Variants in ZNF609 observed in about 807,000 individuals in gnomAD.
The protein encoded by ZNF609 is zinc finger protein 609.
ZNF609 carries 11 observed loss-of-function variants against 109.5 expected under a neutral mutation model. The ratio of observed to expected loss-of-function variants is 0.10; its 90% confidence interval spans 0.06 to 0.17. ZNF609 has a LOEUF of 0.17. ZNF609 is among the 10% of genes least tolerant of loss of function. ZNF609 has a pLI of 1.00. For missense variants in ZNF609, 1,559 were observed against 1,772.4 expected (o/e 0.88, Z 2.16); for synonymous variants, 646 against 662.0 (o/e 0.98, Z 0.37).
Position 64,675,200 on chromosome 15 carries a change from A to G in ZNF609, c.2346A>G (p.Gln782=). Residue 782 remains glutamine (Q), a synonymous_variant, in exon 5 of 10, where the codon CAA becomes CAG. Transcript: ENST00000326648. ...GLLNGSSDPH[Q]SRLASIKAEA... is the part of the protein sequence containing the mutation. Reference sequence around the variant, plus strand: ...TAAATGGCTCATCAGACCCCCACCAAAGCCGACTGGCTAGCATCAAGGCTG... The same window carrying G: ...TAAATGGCTCATCAGACCCCCACCAGAGCCGACTGGCTAGCATCAAGGCTG... 6.2e-7 allele frequency: 1 copy of G among 1,614,086 alleles called. No homozygotes were observed. The highest frequency in any genetic ancestry group is 8.5e-7 in the Non-Finnish European group (1 of 1,180,032).
At chr15:64,635,751 GT>G (rs1433528001) in intron 3 of ZNF609, among the ~76,000 whole-genome samples, 1 of 152,220 alleles carries the variant, frequency 6.6e-6, no homozygotes, top group Non-Finnish European at 1.5e-5. Flanking sequence ...CACAGCAGTA[GT>G]TTCAGACTAG....
rs1895635856 is a variant in ZNF609 at position 64,607,869 on chromosome 15, TTCTTTC to T, written c.748-14956_748-14951del. Among the ~76,000 whole-genome samples, 5 of 29,266 alleles carry T rather than the reference TTCTTTC, an allele frequency of 1.7e-4. No homozygotes were observed. In the South Asian group the frequency reaches 3.0e-3, roughly 17 times the overall value. 19.2% of individuals were successfully genotyped at this position (29,266 alleles called of 152,430 possible). ...TTTCTTTCTTTCTTTCTTTCTTTCT[TTCTTTC>T]TTTCTTCTTTCTTTTCTTTCTTTTT... On this transcript the variant is annotated intron_variant, in intron 2 of 9. Coordinates refer to ENST00000326648, the MANE Select transcript of ZNF609 (RefSeq NM_015042.2).
intron 6 of ZNF609, among the ~76,000 whole-genome samples, chr15:64,679,180 C>T (rs1413829814): frequency 6.6e-6 from 1 of 152,212 alleles, no homozygotes; most frequent in Admixed American, 6.5e-5. Flanking sequence ...TCAAACGATT[C>T]TCCTGCCTCA....
chr15:64,609,693 T>TA lies in ZNF609; in HGVS notation c.748-13133dup, dbSNP rs542853727. ...CTTTAAGGTTCTCATTTTTTTTTTT[T>TA]ATGGGACTAGGTATAAGAGGGGGAA... On this transcript the variant is annotated intron_variant, in intron 2 of 9. Transcript: ENST00000326648. Among the ~76,000 whole-genome samples the TA allele has an allele frequency of 3.3e-5, 5 of 151,556 alleles. No homozygotes were observed. In the South Asian group the frequency reaches 1.0e-3, roughly 32 times the overall value.
At chr15:64,507,023 A>G (rs959326456) in intron 2 of ZNF609, among the ~76,000 whole-genome samples, 7 of 152,092 alleles carry the variant, frequency 4.6e-5, no homozygotes, top group African/African-American at 1.7e-4. Flanking sequence ...AGCCCCTGAT[A>G]ATTATAGTTG....
chr15:64,598,404 C>G (rs1895434319), intron 2 of ZNF609, among the ~76,000 whole-genome samples: 1 of 152,126 alleles, frequency 6.6e-6, no homozygotes, highest in Non-Finnish European at 1.5e-5. Context: ...GCATGAGACA[C>G]CACATCCAGC....
intron 2 of ZNF609, among the ~76,000 whole-genome samples, chr15:64,533,376 A>C (rs1894090713): frequency 6.6e-6 from 1 of 152,148 alleles, no homozygotes; most frequent in Non-Finnish European, 1.5e-5. Context: ...TATAGTTTTC[A>C]ATCAGTGTTA....
rs371044030 is a variant in ZNF609 at position 64,600,467 on chromosome 15, G to A, written c.748-22360G>A. On this transcript the variant is annotated intron_variant, in intron 2 of 9. Transcript: ENST00000326648. ...TGTGTCTCAAAAAAAAAAAAAAAAA[G>A]AAAAAAAAAAACAGAAAAATTAGCC... Among the ~76,000 whole-genome samples, 958 of 121,918 alleles carry A rather than the reference G, an allele frequency of 7.9e-3. 6 individuals carry two copies. Among genetic ancestry groups the A allele is most frequent in the South Asian group, 0.024 (94 of 3,918 alleles). The allele number at this position is 121,918 out of a possible 152,430, so 80.0% of individuals were successfully genotyped here.
chr15:64,575,419 C>CA lies in ZNF609; in HGVS notation c.748-47396dup, dbSNP rs5813309. 4.1e-5 allele frequency among the ~76,000 whole-genome samples: 6 copies of CA among 147,216 alleles called. No homozygotes were observed. In the South Asian group the frequency reaches 6.5e-4, roughly 16 times the overall value. On this transcript the variant is annotated intron_variant, in intron 2 of 9. Coordinates refer to ENST00000326648, the MANE Select transcript of ZNF609 (RefSeq NM_015042.2). ...AGCCTGGGCAACAAGAACTCCATTT[C>CA]AAAAAAAAAAAAGGAAGAAGAGGGG...
chr15:64,569,000 C>T (rs571198513), intron 2 of ZNF609, among the ~76,000 whole-genome samples: 2 of 152,278 alleles, frequency 1.3e-5, no homozygotes, highest in African/African-American at 4.8e-5. Context: ...CCACACTGGC[C>T]TTCTTTCTTT....
intron 2 of ZNF609, among the ~76,000 whole-genome samples, chr15:64,542,773 T>C (rs574649904): frequency 3.9e-5 from 6 of 152,214 alleles, no homozygotes; most frequent in Non-Finnish European, 8.8e-5. Flanking sequence ...ATCCCCACTT[T>C]CTCTGCCTTA....
chr15:64,676,691 C>G (rs749340977), intron 5 of ZNF609, among the ~76,000 whole-genome samples: 7 of 152,110 alleles, frequency 4.6e-5, no homozygotes, highest in Non-Finnish European at 7.3e-5. Context: ...GCCTCAGCCT[C>G]CCAGAGTGCT....
intron 2 of ZNF609, among the ~76,000 whole-genome samples, chr15:64,553,852 C>A (rs1163392547): frequency 2.0e-5 from 3 of 152,140 alleles, no homozygotes; most frequent in African/African-American, 7.2e-5. Flanking sequence ...CCTGCCTCAG[C>A]CTCCCAAAGT....
At chr15:64,538,360 A>T (rs1302224279) in intron 2 of ZNF609, among the ~76,000 whole-genome samples, 1 of 152,212 alleles carries the variant, frequency 6.6e-6, no homozygotes, top group Non-Finnish European at 1.5e-5. Context: ...ATGTAAAATA[A>T]TTCTTCTCCA....
intron 3 of ZNF609, among the ~76,000 whole-genome samples, chr15:64,665,445 C>T (rs1222604041): frequency 2.0e-5 from 3 of 152,190 alleles, no homozygotes; most frequent in Non-Finnish European, 4.4e-5. Context: ...CACTTATGGC[C>T]TGCCTTCCTC....
intron 2 of ZNF609, among the ~76,000 whole-genome samples, chr15:64,531,747 C>T (rs76809083): frequency 4.6e-5 from 7 of 152,160 alleles, no homozygotes; most frequent in Non-Finnish European, 7.4e-5. Flanking sequence ...TTGTGGGCCT[C>T]AGTTTCCTCA....
Position 64,499,908 on chromosome 15 carries a change from C to T in ZNF609, c.489C>T (p.Ser163=), listed in dbSNP as rs1893537003. Residue 163 remains serine, a synonymous_variant, in exon 2 of 10, where the codon AGC becomes AGT. Transcript: ENST00000326648. ...VAGSKKEKEN[S]SSKSKKERSE... is the part of the protein sequence containing the mutation. ...GTTCCAAAAAGGAGAAGGAGAACAG[C>T]TCATCTAAGAGCAAGAAGGAGAGAA... The T allele has an allele frequency of 6.2e-7, 1 of 1,613,944 alleles. No homozygotes were observed. Among genetic ancestry groups the T allele is most frequent in the Admixed American group, 1.7e-5 (1 of 59,974 alleles).
In ZNF609 at chr15:64,524,791, T is replaced by C. The variant is rs114514880; in HGVS notation, c.747+24625T>C. ...CTATGAACATTCATATACAAGTTTT[T>C]GTATGGACATATGTCTTCAGTTTTT... is the stretch of plus-strand genomic sequence containing the variant. On this transcript the variant is annotated intron_variant, in intron 2 of 9. Coordinates refer to ENST00000326648, the MANE Select transcript of ZNF609 (RefSeq NM_015042.2). Among the ~76,000 whole-genome samples, 929 of 152,308 alleles carry C rather than the reference T, an allele frequency of 6.1e-3. 9 individuals carry two copies. Among genetic ancestry groups the C allele is most frequent in the African/African-American group, 0.021 (872 of 41,564 alleles).
chr15:64,546,789 C>CTTT (rs1206513622), intron 2 of ZNF609, among the ~76,000 whole-genome samples: 9 of 122,562 alleles, frequency 7.3e-5, no homozygotes, highest in East Asian at 4.4e-4. Context: ...TTTCATGTTT[C>CTTT]TTTTTTTTTT....
Sources: allele counts gnomAD v4.1 joint callset (sites outside exome capture counted in the v4.1 genomes callset), GRCh38; gene constraint gnomAD v4.1.1; transcripts MANE v1.5; gene names NCBI Gene and HGNC (gene_info 2026-07-23, HGNC 2026-07-21).